The following GALNTL6 variants were observed in gnomAD, a reference collection of about 807,000 sequenced individuals.
The protein encoded by GALNTL6 is polypeptide N-acetylgalactosaminyltransferase like 6.
In GALNTL6, 46 loss-of-function variants were observed where a neutral mutation model predicts 73.7. The ratio of observed to expected loss-of-function variants is 0.62; its 90% CI spans 0.49 to 0.80. The LOEUF is 0.80. Ranked by LOEUF, GALNTL6 falls within the 30% of genes least tolerant of loss-of-function variation. GALNTL6 has a pLI of 0.00. For missense variants in GALNTL6, 604 were observed against 755.0 expected (o/e 0.80, Z 2.34); for synonymous variants, 259 against 263.7 (o/e 0.98, Z 0.17).
chr4:172,055,138 A>G (rs889230657), intron 2 of GALNTL6, among the ~76,000 whole-genome samples: 3 of 152,100 alleles, frequency 2.0e-5, no homozygotes, highest in African/African-American at 7.2e-5. Flanking sequence ...CTCTCTGGCA[A>G]AATAAAAAGA....
chr4:172,581,109 T>A (rs1251388440), intron 5 of GALNTL6, among the ~76,000 whole-genome samples: 1 of 152,174 alleles, frequency 6.6e-6, no homozygotes, highest in Non-Finnish European at 1.5e-5. Context: ...AAGAAGGACT[T>A]GATAAAATTA....
At chr4:172,881,439 C>G (rs1227652240) in intron 7 of GALNTL6, among the ~76,000 whole-genome samples, 1 of 152,200 alleles carries the variant, frequency 6.6e-6, no homozygotes, top group Non-Finnish European at 1.5e-5. Context: ...ATCTCTTCAT[C>G]TGCATAAAGC....
At chr4:171,917,683 A>C (rs187992884) in intron 2 of GALNTL6, among the ~76,000 whole-genome samples, 1 of 152,206 alleles carries the variant, frequency 6.6e-6, no homozygotes, top group Non-Finnish European at 1.5e-5. Context: ...GGGAGTCCCA[A>C]AACGATTTCT....
At chr4:171,934,247 A>G (rs1280096714) in intron 2 of GALNTL6, among the ~76,000 whole-genome samples, 1 of 152,204 alleles carries the variant, frequency 6.6e-6, no homozygotes, top group Non-Finnish European at 1.5e-5. Flanking sequence ...TGACAAATAT[A>G]TGTAAATATT....
intron 5 of GALNTL6, among the ~76,000 whole-genome samples, chr4:172,755,237 T>TATAGATAGATAGATAGGTAG (rs1553984927): frequency 2.1e-5 from 3 of 145,550 alleles, no homozygotes; most frequent in Non-Finnish European, 4.5e-5. Context: ...AAATGACAGA[T>TATAGATAGATAGATAGGTAG]ATAGATAGAT....
chr4:172,428,510 A>G (rs1304751328), intron 5 of GALNTL6, among the ~76,000 whole-genome samples: 2 of 152,170 alleles, frequency 1.3e-5, no homozygotes, highest in Non-Finnish European at 2.9e-5. Flanking sequence ...TTGCATTACC[A>G]TCAGTCCACA....
chr4:172,981,284 T>G (rs1409708398), intron 10 of GALNTL6, among the ~76,000 whole-genome samples: 1 of 152,230 alleles, frequency 6.6e-6, no homozygotes, highest in Non-Finnish European at 1.5e-5. Flanking sequence ...AAACTTTTCT[T>G]CCATAGCAGC....
chr4:172,670,594 A>G (rs1435315929), intron 5 of GALNTL6, among the ~76,000 whole-genome samples: 4 of 151,708 alleles, frequency 2.6e-5, no homozygotes, highest in Non-Finnish European at 4.4e-5. Context: ...CTGCCATTCC[A>G]TAGGTTGTCT....
intron 5 of GALNTL6, among the ~76,000 whole-genome samples, chr4:172,592,783 A>G (rs6846001): frequency 0.52 from 79,517 of 151,484 alleles, 21,646 homozygotes; most frequent in East Asian, 0.77. Context: ...TAGCTGATAC[A>G]AAACTTCCCA....
rs1266399839 is a variant in GALNTL6, at chr4:172,658,816, A to G, written c.554-150545A>G. On this transcript the variant is annotated intron_variant, in intron 5 of 12. Transcript: ENST00000506823. ...GGTGACAGTCATCTCAGCTATAAAA[A>G]GCATCAGAGTAAACATGTTTTCTAG... Among the ~76,000 whole-genome samples the G allele has an allele frequency of 6.6e-5, 10 of 152,356 alleles. No individual in the cohort carries two copies. The East Asian group carries it at 1.9e-3, about 29-fold the overall frequency.
chr4:172,452,118 T>A (rs1306935336), intron 5 of GALNTL6, among the ~76,000 whole-genome samples: 2 of 152,166 alleles, frequency 1.3e-5, no homozygotes, highest in Non-Finnish European at 2.9e-5. Flanking sequence ...CAAACGAAAT[T>A]GATAAATGAG....
intron 5 of GALNTL6, among the ~76,000 whole-genome samples, chr4:172,557,116 C>T (rs1444301958): frequency 1.3e-5 from 2 of 151,998 alleles, no homozygotes; most frequent in Admixed American, 6.6e-5. Flanking sequence ...TTGCATTTTC[C>T]CTGCTGTAGC....
At chr4:172,194,397 C>A (rs571494737) in intron 2 of GALNTL6, among the ~76,000 whole-genome samples, 2 of 152,122 alleles carry the variant, frequency 1.3e-5, no homozygotes, top group African/African-American at 2.4e-5. Flanking sequence ...ACCATCCAGG[C>A]GAATTCCCTC....
chr4:172,110,686 T>A (rs1732825897), intron 2 of GALNTL6, among the ~76,000 whole-genome samples: 1 of 152,170 alleles, frequency 6.6e-6, no homozygotes, highest in Admixed American at 6.5e-5. Flanking sequence ...ATGCTTTCTA[T>A]GCCGAATTCC....
At chr4:172,942,317 T>C (rs1748954487) in intron 9 of GALNTL6, among the ~76,000 whole-genome samples, 1 of 152,204 alleles carries the variant, frequency 6.6e-6, no homozygotes, top group African/African-American at 2.4e-5. Context: ...TAATAATAAT[T>C]GGAATAAATG....
intron 2 of GALNTL6, among the ~76,000 whole-genome samples, chr4:172,156,549 A>ATACTATATATATATATATATATATATAG (rs1553997719): frequency 3.0e-5 from 2 of 65,956 alleles, no homozygotes; most frequent in Middle Eastern, 7.8e-3. Flanking sequence ...TAATATATAT[A>ATACTATATATATATATATATATATATAG]TATATATATA....
At chr4:172,571,296 C>A (rs986295064) in intron 5 of GALNTL6, among the ~76,000 whole-genome samples, 2 of 152,186 alleles carry the variant, frequency 1.3e-5, no homozygotes, top group African/African-American at 4.8e-5. Flanking sequence ...ATGTTTTTAT[C>A]TTTTTGTGTG....
At chr4:172,513,786 A>G (rs1259693692) in intron 5 of GALNTL6, among the ~76,000 whole-genome samples, 1 of 152,198 alleles carries the variant, frequency 6.6e-6, no homozygotes, top group Non-Finnish European at 1.5e-5. Flanking sequence ...TCAGCTGTGG[A>G]TACCAGCACC....
chr4:172,177,497 T>A (rs905934593), intron 2 of GALNTL6, among the ~76,000 whole-genome samples: 3 of 152,058 alleles, frequency 2.0e-5, no homozygotes, highest in Non-Finnish European at 2.9e-5. Context: ...TGTTTCTGTC[T>A]CTTCTTTCAC....
Sources: allele counts gnomAD v4.1 joint callset (sites outside exome capture counted in the v4.1 genomes callset), GRCh38; gene constraint gnomAD v4.1.1; transcripts MANE v1.5; gene names NCBI Gene and HGNC (gene_info 2026-07-23, HGNC 2026-07-21).